Variants in SDK1 observed in about 807,000 individuals in gnomAD.
SDK1 encodes protein sidekick-1.
A neutral mutation model predicts 245.5 loss-of-function variants in SDK1; 157 were observed. That is an observed-to-expected ratio of 0.64 (90% CI 0.56 to 0.73). The LOEUF is 0.73. SDK1 is among the 30% of genes least tolerant of loss of function. The pLI, the probability that SDK1 is intolerant of heterozygous loss-of-function variation, is 0.00. For missense variants in SDK1, 3,583 were observed against 3,002.3 expected (o/e 1.19, Z -4.52); for synonymous variants, 1,647 against 1,278.5 (o/e 1.29, Z -6.15).
intron 1 of SDK1, among the ~76,000 whole-genome samples, chr7:3,395,123 C>G (rs1412227929): frequency 6.6e-6 from 1 of 151,956 alleles, no homozygotes; most frequent in Non-Finnish European, 1.5e-5. Context: ...ATTATATTCA[C>G]TGTAGGTTTT....
At chr7:3,624,852 C>G (rs988978220) in intron 2 of SDK1, among the ~76,000 whole-genome samples, 9 of 151,922 alleles carry the variant, frequency 5.9e-5, no homozygotes, top group African/African-American at 2.2e-4. Context: ...TTGAGACCAG[C>G]CTGACCAACA....
intron 17 of SDK1, among the ~76,000 whole-genome samples, chr7:4,028,734 C>T (rs1787557999): frequency 6.6e-6 from 1 of 152,192 alleles, no homozygotes; most frequent in South Asian, 2.1e-4. Context: ...CCCTTTTCTT[C>T]TGGTTTTGAT....
chr7:3,651,843 G>A (rs539204856), intron 4 of SDK1, among the ~76,000 whole-genome samples: 3 of 152,312 alleles, frequency 2.0e-5, no homozygotes, highest in Admixed American at 2.0e-4. Flanking sequence ...ATAGAGAACA[G>A]AGGGGAATGA....
intron 4 of SDK1, among the ~76,000 whole-genome samples, chr7:3,769,386 C>T (rs547001381): frequency 1.1e-4 from 17 of 152,116 alleles, no homozygotes; most frequent in Non-Finnish European, 2.5e-4. Context: ...GAGCCTGGAA[C>T]CTCAGGTCTC....
Position 4,144,806 on chromosome 7 carries a change from C to T in SDK1, c.4229-916C>T, listed in dbSNP as rs919862403. 6.6e-5 allele frequency among the ~76,000 whole-genome samples: 10 copies of T among 152,328 alleles called. No homozygotes were observed. In the South Asian group the frequency reaches 1.0e-3, roughly 16 times the overall value. ...AGGCAGCACTGATGAGACCGGAGCG[C>T]GGCTCTGTTCCCCCCGTGCGTCCTC... is the stretch of plus-strand genomic sequence containing the variant. On this transcript the variant is annotated intron_variant, in intron 28 of 44. Transcript: ENST00000404826.
intron 20 of SDK1, among the ~76,000 whole-genome samples, chr7:4,074,393 G>C (rs1288808509): frequency 1.3e-5 from 2 of 152,172 alleles, no homozygotes; most frequent in African/African-American, 4.8e-5. Flanking sequence ...GGCTGTCTTG[G>C]GTTCCAGCAA....
chr7:3,637,694 C>G (rs1043706755), intron 2 of SDK1, among the ~76,000 whole-genome samples: 1 of 152,146 alleles, frequency 6.6e-6, no homozygotes, highest in Non-Finnish European at 1.5e-5. Flanking sequence ...AAAATTTAGA[C>G]AGGCATGGAT....
At chr7:3,532,349 A>C (rs1783376199) in intron 1 of SDK1, among the ~76,000 whole-genome samples, 1 of 152,034 alleles carries the variant, frequency 6.6e-6, no homozygotes, top group South Asian at 2.1e-4. Flanking sequence ...CTTTTTTATT[A>C]GTTGTTATCA....
intron 1 of SDK1, among the ~76,000 whole-genome samples, chr7:3,584,921 T>G (rs2128633855): frequency 6.6e-6 from 1 of 152,148 alleles, no homozygotes; most frequent in Middle Eastern, 3.4e-3. Context: ...AGACGGAGTT[T>G]CACCGTGTTA....
chr7:3,464,217 T>TC (rs1780919940), intron 1 of SDK1, among the ~76,000 whole-genome samples: 1 of 152,180 alleles, frequency 6.6e-6, no homozygotes, highest in African/African-American at 2.4e-5. Flanking sequence ...AACTTTTTTT[T>TC]CCCCTCTGTT....
intron 2 of SDK1, among the ~76,000 whole-genome samples, chr7:3,631,195 A>G (rs1156616553): frequency 1.3e-5 from 2 of 152,176 alleles, no homozygotes; most frequent in Non-Finnish European, 2.9e-5. Flanking sequence ...TGGCCTCCCA[A>G]AGTGCTGGGA....
chr7:3,715,158 G>C (rs1368536996), intron 4 of SDK1, among the ~76,000 whole-genome samples: 4 of 151,888 alleles, frequency 2.6e-5, no homozygotes, highest in East Asian at 1.9e-4. Context: ...AGCTTATTTA[G>C]TGAGAGATAC....
chr7:4,049,539 C>G lies in SDK1; in HGVS notation c.2718+76C>G, dbSNP rs1007207692. 4.6e-6 allele frequency: 5 copies of G among 1,098,626 alleles called. No individual in the cohort carries two copies. In the African/African-American group the frequency reaches 4.6e-5, roughly 10 times the overall value. 68.1% of individuals were successfully genotyped at this position (1,098,626 alleles called of 1,614,324 possible). ...ACAGCGCGACGCAGCTGGAGGCACC[C>G]CCTCTTGTGTATCAAGAGCTGGTTG... On this transcript the variant is annotated intron_variant, in intron 18 of 44. Transcript: ENST00000404826.
intron 17 of SDK1, among the ~76,000 whole-genome samples, chr7:4,033,779 C>G (rs1047751017): frequency 6.6e-6 from 1 of 151,968 alleles, no homozygotes; most frequent in African/African-American, 2.4e-5. Context: ...GATAAAAATG[C>G]AAAAGTCTGA....
chr7:3,759,633 CTT>C (rs1486092755), intron 4 of SDK1, among the ~76,000 whole-genome samples: 2 of 150,546 alleles, frequency 1.3e-5, no homozygotes, highest in African/African-American at 4.9e-5. Context: ...GAATTTTGCT[CTT>C]GTCGCCCAGG....
intron 1 of SDK1, among the ~76,000 whole-genome samples, chr7:3,592,489 C>T (rs10246010): frequency 0.02 from 3,084 of 152,266 alleles, 75 homozygotes; most frequent in African/African-American, 0.05. Flanking sequence ...TTCTCTCTAC[C>T]TCCTCGTCAT....
At chr7:3,971,636 G>C in intron 12 of SDK1, 68 bp downstream of exon 12, 1 of 1,182,958 alleles carries the variant, frequency 8.5e-7, no homozygotes, top group South Asian at 1.3e-5. Flanking sequence ...GTGAAGTTGA[G>C]ATGAGGAGGA....
chr7:3,992,643 T>G (rs117972088), intron 14 of SDK1, among the ~76,000 whole-genome samples: 28 of 152,338 alleles, frequency 1.8e-4, no homozygotes, highest in Non-Finnish European at 4.0e-4. Flanking sequence ...AAAATGATCT[T>G]TCTTTGAGAT....
chr7:3,694,464 G>A (rs1005942572), intron 4 of SDK1, among the ~76,000 whole-genome samples: 2 of 152,174 alleles, frequency 1.3e-5, no homozygotes. Flanking sequence ...GGACTTGGCC[G>A]TGTACAGAGA....
Sources: allele counts gnomAD v4.1 joint callset (sites outside exome capture counted in the v4.1 genomes callset), GRCh38; gene constraint gnomAD v4.1.1; transcripts MANE v1.5; gene names NCBI Gene and HGNC (gene_info 2026-07-23, HGNC 2026-07-21).